SLC25A48: variants seen among roughly 807,000 people sequenced by gnomAD.
SLC25A48 encodes the protein CTC-321K16.1.
SLC25A48 carries 29 observed loss-of-function variants against 32.2 expected under a neutral mutation model. The observed-to-expected ratio is 0.90, with a 90% CI of 0.67 to 1.23. SLC25A48 has a LOEUF of 1.23. Among genes scored for constraint, SLC25A48 ranks in the 50% most tolerant of loss-of-function variants. The pLI is 0.00. For missense variants in SLC25A48, 399 were observed against 422.7 expected (o/e 0.94, Z 0.49); for synonymous variants, 164 against 172.3 (o/e 0.95, Z 0.38).
intron 4 of SLC25A48, chr5:135,825,254 T>C (rs552382294): frequency 6.6e-6 from 1 of 152,378 alleles, no homozygotes; most frequent in African/African-American, 2.4e-5. Flanking sequence ...AGCCGTACTA[T>C]TATTCCCATT....
intron 3 of SLC25A48, among the ~76,000 whole-genome samples, chr5:135,673,715 T>G (rs1226954448): frequency 6.6e-6 from 1 of 152,104 alleles, no homozygotes; most frequent in Non-Finnish European, 1.5e-5. Context: ...TAAATTTTGA[T>G]GAAGTCCAAT....
At chr5:135,673,953 T>C (rs1263322817) in intron 3 of SLC25A48, among the ~76,000 whole-genome samples, 4 of 140,522 alleles carry the variant, frequency 2.8e-5, no homozygotes, top group Non-Finnish European at 6.2e-5. Context: ...ATTGTTCTTA[T>C]ACAAGTTGTT....
chr5:135,625,228 G>A lies in SLC25A48; in HGVS notation c.-848-4009G>A, dbSNP rs1752417852. On this transcript the variant is annotated intron_variant, in intron 1 of 10. Transcript: ENST00000646290. ...TGAAGGGAAGGGTTTTCTGGGTGGG[G>A]AAGAGTCCTGCAGGAGGACAAAAGG... Among the ~76,000 whole-genome samples the A allele has an allele frequency of 2.6e-5, 4 of 152,158 alleles. No homozygotes were observed. The South Asian group carries it at 6.2e-4, about 24-fold the overall frequency.
At chr5:135,819,062 G>C (rs1387093242) in intron 4 of SLC25A48, among the ~76,000 whole-genome samples, 1 of 151,324 alleles carries the variant, frequency 6.6e-6, no homozygotes, top group Non-Finnish European at 1.5e-5. Context: ...AGAAACAAAT[G>C]AGCAGAGCCT....
chr5:135,614,460 G>A (rs188208238), intron 1 of SLC25A48, among the ~76,000 whole-genome samples: 4 of 152,072 alleles, frequency 2.6e-5, no homozygotes, highest in South Asian at 2.1e-4. Context: ...TGTTGAATAC[G>A]AGTGGCAAAA....
At position 135,798,821 on chromosome 5, in the gene SLC25A48, A is replaced by G. The variant is rs1231981445; in HGVS notation, c.-520-13702A>G. On this transcript the variant is annotated intron_variant, in intron 3 of 10. Transcript: ENST00000646290. Reference sequence around the variant, plus strand: ...GCTTCTAATTCCCGTGGGAGAGAGGATGATACTACTCCCGATATTGTAGAA... The same window carrying G: ...GCTTCTAATTCCCGTGGGAGAGAGGGTGATACTACTCCCGATATTGTAGAA... Among the ~76,000 whole-genome samples the G allele has an allele frequency of 3.3e-5, 5 of 151,300 alleles. No homozygotes were observed. In the South Asian group the frequency reaches 6.3e-4, roughly 19 times the overall value.
intron 1 of SLC25A48, among the ~76,000 whole-genome samples, chr5:135,599,530 C>A (rs117754688): frequency 6.6e-6 from 1 of 152,074 alleles, no homozygotes; most frequent in Non-Finnish European, 1.5e-5. Context: ...CTTTATCAAT[C>A]GCTGGGGCAC....
upstream of SLC25A48, among the ~76,000 whole-genome samples, chr5:135,833,026 T>C (rs545450726): frequency 2.5e-4 from 38 of 152,340 alleles, no homozygotes; most frequent in African/African-American, 8.9e-4. Flanking sequence ...GCCTGGATCC[T>C]GGCCACAGAG....
At chr5:135,878,330 C>T (rs1762202084) in intron 6 of SLC25A48, among the ~76,000 whole-genome samples, 1 of 152,210 alleles carries the variant, frequency 6.6e-6, no homozygotes, top group Non-Finnish European at 1.5e-5. Context: ...AGGGGAACCT[C>T]TGTGGGCACC....
intron 1 of SLC25A48, among the ~76,000 whole-genome samples, chr5:135,608,950 A>G (rs1752002728): frequency 1.3e-5 from 2 of 152,154 alleles, no homozygotes; most frequent in Non-Finnish European, 2.9e-5. Context: ...TTGGCCCTTT[A>G]TCTATGGATA....
Position 135,719,479 on chromosome 5 carries a change from C to T in SLC25A48, c.-521+84523C>T, listed in dbSNP as rs932559738. 3.9e-5 allele frequency among the ~76,000 whole-genome samples: 6 copies of T among 151,978 alleles called. No individual in the cohort carries two copies. The East Asian group carries it at 1.2e-3, about 29-fold the overall frequency. On this transcript the variant is annotated intron_variant, in intron 3 of 10. Transcript: ENST00000646290. ...GGCTTCCACCCCTCCCCATGGAGCC[C>T]AAGGGAAGGGATGCAGAGAGGTAGT...
chr5:135,759,687 C>G (rs1222840771), intron 3 of SLC25A48, among the ~76,000 whole-genome samples: 4 of 152,136 alleles, frequency 2.6e-5, no homozygotes, highest in African/African-American at 9.7e-5. Context: ...AAGTAAGATG[C>G]AGTCCTTTGA....
At chr5:135,585,218 T>C (rs899774252) in intron 1 of SLC25A48, among the ~76,000 whole-genome samples, 1 of 152,192 alleles carries the variant, frequency 6.6e-6, no homozygotes. Context: ...CTCATTCTGC[T>C]CTGCCCCACC....
In SLC25A48 at chr5:135,812,005, C is replaced by G. The variant is rs187490050; in HGVS notation, c.-520-518C>G. 1.3e-3 allele frequency among the ~76,000 whole-genome samples: 198 copies of G among 151,600 alleles called. 1 individual carries two copies. Among genetic ancestry groups the G allele is most frequent in the African/African-American group, 4.6e-3 (188 of 40,892 alleles). On this transcript the variant is annotated intron_variant, in intron 3 of 10. Coordinates refer to the SLC25A48 transcript ENST00000646290. ...GCTGAGGCAGGAGAATTGCATGAAT[C>G]TGGGAGGCAGAGGTTGCAGTGAGCT...
chr5:135,819,303 T>C (rs1014205431), intron 4 of SLC25A48, among the ~76,000 whole-genome samples: 2 of 152,140 alleles, frequency 1.3e-5, no homozygotes, highest in African/African-American at 4.8e-5. Context: ...CTAAAAACCT[T>C]ATCTGTTACC....
intron 4 of SLC25A48, among the ~76,000 whole-genome samples, chr5:135,859,593 G>C (rs914377331): frequency 6.6e-6 from 1 of 152,186 alleles, no homozygotes; most frequent in Admixed American, 6.5e-5. Context: ...AATCTCATAG[G>C]AGGCTTATAA....
rs565285903 is a variant in SLC25A48, at chr5:135,711,573, G to T, written c.-521+76617G>T. 2.6e-5 allele frequency among the ~76,000 whole-genome samples: 4 copies of T among 152,306 alleles called. No homozygotes were observed. In the South Asian group the frequency reaches 8.3e-4, roughly 32 times the overall value. ...ATTTGGAGGCAAGGAACGCTTCAGTGCTAAGACCATTAGACAATACTCTTT... is the reference window on the plus strand; with the variant it reads ...ATTTGGAGGCAAGGAACGCTTCAGTTCTAAGACCATTAGACAATACTCTTT... On this transcript the variant is annotated intron_variant, in intron 3 of 10. Coordinates refer to the SLC25A48 transcript ENST00000646290.
At chr5:135,655,348 C>G (rs1390026552) in intron 3 of SLC25A48, among the ~76,000 whole-genome samples, 1 of 152,156 alleles carries the variant, frequency 6.6e-6, no homozygotes, top group Non-Finnish European at 1.5e-5. Context: ...TTCTGTGCTC[C>G]CTGTCTCAAG....
chr5:135,798,029 C>A (rs1412287881), intron 3 of SLC25A48, among the ~76,000 whole-genome samples: 1 of 151,716 alleles, frequency 6.6e-6, no homozygotes, highest in Non-Finnish European at 1.5e-5. Flanking sequence ...TACACCCTCC[C>A]GTGATATTCT....
Sources: allele counts gnomAD v4.1 joint callset (sites outside exome capture counted in the v4.1 genomes callset), GRCh38; gene constraint gnomAD v4.1.1; transcripts MANE v1.5; gene names NCBI Gene and HGNC (gene_info 2026-07-23, HGNC 2026-07-21).